The following HNRNPM variants were observed in gnomAD, a reference collection of about 807,000 sequenced individuals.
HNRNPM encodes CEA receptor.
Under a neutral mutation model 73.1 loss-of-function variants are expected in HNRNPM, and 11 were observed. That is an observed-to-expected ratio of 0.15 (90% confidence interval 0.09 to 0.25). The LOEUF (loss-of-function observed/expected upper bound fraction) is 0.25. Among genes scored for constraint, HNRNPM ranks in the 10% least tolerant of loss-of-function variants. The pLI is 1.00. For synonymous variants in HNRNPM, 407 were observed against 355.2 expected (o/e 1.15, Z -1.64); for missense variants, 789 against 1,067.9 (o/e 0.74, Z 3.64).
Position 8,486,391 on chromosome 19 carries a change from A to G in HNRNPM, c.1963A>G (p.Ile655Val), listed in dbSNP as rs141163285. Residue 655 changes from isoleucine to valine, a missense_variant, in exon 14 of 16, where the codon ATA becomes GTA. Coordinates refer to ENST00000325495, the MANE Select transcript of HNRNPM (RefSeq NM_005968.5). ...APGVARKACQ[I>V]FVRNLPFDFT... ...TGGGGTGGCCAGGAAGGCCTGCCAGATATTTGTGAGAAATGTAAGTGGCTC... is the reference window on the plus strand; with the variant it reads ...TGGGGTGGCCAGGAAGGCCTGCCAGGTATTTGTGAGAAATGTAAGTGGCTC... 1.3e-6 allele frequency: 2 copies of G among 1,566,342 alleles called. No individual in the cohort carries two copies. Among genetic ancestry groups the G allele is most frequent in the African/African-American group, 1.4e-5 (1 of 73,402 alleles).
At chr19:8,475,690 T>C (rs1970451203) in intron 12 of HNRNPM, among the ~76,000 whole-genome samples, 1 of 152,228 alleles carries the variant, frequency 6.6e-6, no homozygotes, top group Non-Finnish European at 1.5e-5. Context: ...CCAGTGTACA[T>C]TCAAGCTTGC....
At chr19:8,446,395 G>T (rs1457698432) in intron 1 of HNRNPM, among the ~76,000 whole-genome samples, 3 of 152,140 alleles carry the variant, frequency 2.0e-5, no homozygotes, top group Admixed American at 2.0e-4. Context: ...AAGTGAATGC[G>T]GTTGAGCACT....
intron 14 of HNRNPM, 117 bp downstream of exon 14, chr19:8,486,522 C>T (rs1404519675): frequency 1.2e-6 from 1 of 829,234 alleles, no homozygotes; most frequent in Non-Finnish European, 1.8e-6. Flanking sequence ...ACCTCCTTGC[C>T]ACTGTCCCAA....
In HNRNPM at chr19:8,485,973, G is replaced by C; in HGVS notation, c.1545G>C (p.Val515=). 1 of 1,606,758 alleles carries C rather than the reference G, an allele frequency of 6.2e-7. No individual in the cohort carries two copies. Among genetic ancestry groups the C allele is most frequent in the Non-Finnish European group, 8.5e-7 (1 of 1,179,542 alleles). The change falls in exon 14 of 16, where the codon GTG becomes GTC. Residue 515 remains valine (V), a synonymous_variant. Transcript: ENST00000325495. ...GQTIERMGSG[V]ERMGPAIERM... ...CCATTGAGCGCATGGGCTCTGGCGT[G>C]GAGCGCATGGGCCCTGCCATCGAGC...
chr19:8,476,382 G>T (rs746009700), intron 12 of HNRNPM, among the ~76,000 whole-genome samples: 45 of 152,188 alleles, frequency 3.0e-4, no homozygotes, highest in Non-Finnish European at 5.7e-4. Flanking sequence ...TTCATGACTA[G>T]AGTGTAGCCA....
intron 2 of HNRNPM, among the ~76,000 whole-genome samples, chr19:8,458,324 C>A (rs946776137): frequency 1.3e-4 from 20 of 152,270 alleles, no homozygotes; most frequent in African/African-American, 4.8e-4. Context: ...GCCACAGCTC[C>A]CCAGGTTGTA....
intron 2 of HNRNPM, among the ~76,000 whole-genome samples, chr19:8,456,798 CAG>C (rs1969058563): frequency 6.6e-6 from 1 of 152,188 alleles, no homozygotes; most frequent in African/African-American, 2.4e-5. Flanking sequence ...CCAGATAACA[CAG>C]ATGGAAAAAC....
At chr19:8,468,207 G>A (rs887472905) in intron 8 of HNRNPM, among the ~76,000 whole-genome samples, 3 of 152,128 alleles carry the variant, frequency 2.0e-5, no homozygotes, top group African/African-American at 7.2e-5. Flanking sequence ...GTTTTTCAAA[G>A]TATTACAGTA....
intron 12 of HNRNPM, among the ~76,000 whole-genome samples, chr19:8,481,967 CTTTTTT>C (rs35179733): frequency 1.7e-5 from 2 of 117,340 alleles, no homozygotes; most frequent in East Asian, 2.5e-4. Flanking sequence ...TGTTTGGTGT[CTTTTTT>C]TTTTTTTTTT....
rs1969464847 is a variant in HNRNPM, at chr19:8,462,378, C to T, written c.284-151C>T. On this transcript the variant is annotated intron_variant, in intron 2 of 15. Transcript: ENST00000325495. This position sits in a 1 kb window ranked among gnomAD's most constrained non-coding sequence, Gnocchi z 4.5. ...TACTTTTACTGCACACCTGTAATGC[C>T]TAGTTCGGTGGTTTAGAGAATATGG... 1.4e-6 allele frequency: 1 copy of T among 694,186 alleles called. No homozygotes were observed. 43.0% of individuals were successfully genotyped at this position (694,186 alleles called of 1,614,324 possible). A position where few individuals can be genotyped will look rare whatever the true frequency, so the allele number is the denominator to read the frequency against.
intron 5 of HNRNPM, 23 bp downstream of exon 5, chr19:8,463,709 G>A (rs562193365): frequency 9.7e-6 from 14 of 1,438,214 alleles, no homozygotes; most frequent in East Asian, 9.1e-5. Context: ...TTAACACTGC[G>A]GATACTGTGT....
intron 6 of HNRNPM, 98 bp from the exon 7 acceptor site, chr19:8,466,137 C>A: frequency 8.2e-7 from 1 of 1,225,756 alleles, no homozygotes; most frequent in Non-Finnish European, 1.1e-6. Context: ...TTTCCTAATA[C>A]TTTTTTCCAA....
intron 2 of HNRNPM, among the ~76,000 whole-genome samples, chr19:8,461,334 C>T (rs1969382767): frequency 6.6e-6 from 1 of 152,088 alleles, no homozygotes; most frequent in South Asian, 2.1e-4. Context: ...ATTTTAATGT[C>T]CTTTAAACAA....
chr19:8,464,498 T>TG (rs1366419857), intron 5 of HNRNPM, among the ~76,000 whole-genome samples: 4 of 150,944 alleles, frequency 2.6e-5, no homozygotes, highest in South Asian at 2.1e-4. Context: ...CTGGGCGTAG[T>TG]GGGGGGTGCC....
chr19:8,481,024 A>G (rs989547819), intron 12 of HNRNPM, among the ~76,000 whole-genome samples: 2 of 152,070 alleles, frequency 1.3e-5, no homozygotes, highest in African/African-American at 4.8e-5. Flanking sequence ...TTCAAGATTC[A>G]ATTCTTGACC....
intron 8 of HNRNPM, 80 bp from the exon 9 acceptor site, chr19:8,468,693 TG>T (rs1969928067): frequency 1.9e-6 from 2 of 1,031,580 alleles, no homozygotes; most frequent in Non-Finnish European, 3.0e-6. Context: ...CCTCTCTTGA[TG>T]GGGGGCCATT....
At position 8,474,083 on chromosome 19, in the gene HNRNPM, T is replaced by G. The variant is rs144818418; in HGVS notation, c.1043-84T>G. ...AGTTCTTGGCAGAAGATACCCCAGT[T>G]GAAACATGTGATAGAATTTTTCTTT... is the stretch of plus-strand genomic sequence containing the variant. On this transcript the variant is annotated intron_variant, in intron 11 of 15. Coordinates refer to ENST00000325495, the MANE Select transcript of HNRNPM (RefSeq NM_005968.5). 250 of 1,006,056 alleles carry G rather than the reference T, an allele frequency of 2.5e-4. No individual in the cohort carries two copies. The African/African-American group carries it at 3.7e-3, about 15-fold the overall frequency. The allele number at this position is 1,006,056 out of a possible 1,614,324, so 62.3% of individuals were successfully genotyped here. A position where few individuals can be genotyped will look rare whatever the true frequency, so the allele number is the denominator to read the frequency against.
At chr19:8,475,825 T>C (rs1970461788) in intron 12 of HNRNPM, among the ~76,000 whole-genome samples, 2 of 152,080 alleles carry the variant, frequency 1.3e-5, no homozygotes, top group East Asian at 1.9e-4. Flanking sequence ...CCCAACACTT[T>C]GGGAGGCTGG....
intron 1 of HNRNPM, among the ~76,000 whole-genome samples, chr19:8,448,511 C>A (rs1968375940): frequency 6.8e-6 from 1 of 147,536 alleles, no homozygotes; most frequent in South Asian, 2.2e-4. Flanking sequence ...CGCTCTGTTG[C>A]CCAGGCTGGA....
Sources: gnomAD v4.1 joint callset for allele counts (sites outside exome capture counted in the v4.1 genomes callset) on GRCh38, gnomAD v4.1.1 for gene constraint, Gnocchi (gnomAD v3.1) non-coding constraint, MANE v1.5 for transcripts, NCBI Gene and HGNC (gene_info 2026-07-23, HGNC 2026-07-21) for gene names.